The following ESRRG variants were observed in gnomAD, a reference collection of about 807,000 sequenced individuals.
ESRRG encodes the protein estrogen related receptor gamma, also known as estrogen-related receptor gamma.
Under a neutral mutation model 44.0 loss-of-function variants are expected in ESRRG, and 13 were observed. That is an observed-to-expected ratio of 0.30 (90% CI 0.19 to 0.47). ESRRG has a LOEUF of 0.47. Among genes scored for constraint, ESRRG ranks in the 20% least tolerant of loss-of-function variants. The pLI is 1.00. For missense variants in ESRRG, 395 were observed against 580.6 expected (o/e 0.68, Z 3.29); for synonymous variants, 215 against 214.6 (o/e 1.00, Z -0.02).
chr1:216,921,057 A>C (rs1170311184), intron 2 of ESRRG, among the ~76,000 whole-genome samples: 2 of 152,308 alleles, frequency 1.3e-5, no homozygotes, highest in African/African-American at 4.8e-5. Context: ...AACTAAACTT[A>C]ATGATGCAAA....
intron 2 of ESRRG, among the ~76,000 whole-genome samples, chr1:216,870,033 G>T (rs994038662): frequency 6.6e-6 from 1 of 152,028 alleles, no homozygotes; most frequent in East Asian, 1.9e-4. Flanking sequence ...TTGAATAGAA[G>T]TTTTGTAGGT....
chr1:216,558,870 G>T (rs945117594), intron 5 of ESRRG, among the ~76,000 whole-genome samples: 5 of 150,364 alleles, frequency 3.3e-5, no homozygotes, highest in African/African-American at 1.2e-4. Context: ...TTTGTTTTTT[G>T]TTTTTTTGTT....
At chr1:216,610,367 A>G in intron 3 of ESRRG, among the ~76,000 whole-genome samples, 1 of 152,148 alleles carries the variant, frequency 6.6e-6, no homozygotes, top group East Asian at 1.9e-4. Flanking sequence ...ATTTCCCCAT[A>G]TCCTTAATAG....
At chr1:216,819,277 AT>A (rs2095235197) in intron 2 of ESRRG, among the ~76,000 whole-genome samples, 1 of 152,130 alleles carries the variant, frequency 6.6e-6, no homozygotes, top group Non-Finnish European at 1.5e-5. Context: ...TTGTTTGCAT[AT>A]GCTTATTTCT....
chr1:216,851,044 T>C (rs1291271126), intron 2 of ESRRG, among the ~76,000 whole-genome samples: 2 of 149,752 alleles, frequency 1.3e-5, no homozygotes, highest in Non-Finnish European at 3.0e-5. Context: ...TTATCTAGTA[T>C]GTATAACACT....
At chr1:216,794,499 T>C (rs907444154) in intron 2 of ESRRG, among the ~76,000 whole-genome samples, 1 of 152,190 alleles carries the variant, frequency 6.6e-6, no homozygotes, top group Non-Finnish European at 1.5e-5. Context: ...AAACACAGGT[T>C]ACATAAAGGA....
intron 1 of ESRRG, among the ~76,000 whole-genome samples, chr1:216,986,898 T>C (rs2150458698): frequency 6.6e-6 from 1 of 152,182 alleles, no homozygotes; most frequent in Non-Finnish European, 1.5e-5. Context: ...CAATAATGAG[T>C]AGTGTAACTA....
At chr1:216,784,104 C>T (rs2094034790) in intron 2 of ESRRG, among the ~76,000 whole-genome samples, 1 of 151,918 alleles carries the variant, frequency 6.6e-6, no homozygotes, top group African/African-American at 2.4e-5. Context: ...AGTGTTTGGC[C>T]ATTCATTATA....
intron 4 of ESRRG, among the ~76,000 whole-genome samples, chr1:216,565,913 T>C (rs2059598772): frequency 6.6e-6 from 1 of 152,024 alleles, no homozygotes; most frequent in African/African-American, 2.4e-5. Context: ...ACCATTAGAT[T>C]CTCAGGATTA....
intron 5 of ESRRG, 34 bp downstream of exon 5, chr1:216,564,185 C>A (rs376152655): frequency 2.1e-6 from 3 of 1,406,528 alleles, no homozygotes; most frequent in Non-Finnish European, 2.9e-6. Flanking sequence ...TTAATTGCAA[C>A]CTTTTCTTTT....
At chr1:216,902,226 C>T (rs1256664813) in intron 2 of ESRRG, among the ~76,000 whole-genome samples, 3 of 152,178 alleles carry the variant, frequency 2.0e-5, no homozygotes, top group Admixed American at 6.5e-5. Context: ...CGGTGGCTCA[C>T]GCCTGTAATC....
At chr1:216,823,339 G>A (rs1421306895) in intron 2 of ESRRG, among the ~76,000 whole-genome samples, 1 of 152,014 alleles carries the variant, frequency 6.6e-6, no homozygotes. Context: ...AGAGAAAGAG[G>A]CCACAGTACT....
chr1:216,675,133 G>A (rs866000953), intron 2 of ESRRG, among the ~76,000 whole-genome samples: 31 of 152,116 alleles, frequency 2.0e-4, no homozygotes, highest in African/African-American at 7.0e-4. Context: ...GGCTGAGGCG[G>A]GTGGATCACG....
chr1:216,978,982 C>T (rs1319260770), intron 1 of ESRRG, among the ~76,000 whole-genome samples: 3 of 152,156 alleles, frequency 2.0e-5, no homozygotes, highest in African/African-American at 7.2e-5. Context: ...TCTTCTCTTT[C>T]ACTCACTTAA....
chr1:216,591,030 C>T (rs1267143080), intron 3 of ESRRG, among the ~76,000 whole-genome samples: 3 of 152,134 alleles, frequency 2.0e-5, no homozygotes, highest in Non-Finnish European at 2.9e-5. Flanking sequence ...GCTCCTAATG[C>T]CCTTGAAATT....
At chr1:216,517,577 T>C (rs1389946364) in intron 6 of ESRRG, among the ~76,000 whole-genome samples, 2 of 152,184 alleles carry the variant, frequency 1.3e-5, no homozygotes, top group Non-Finnish European at 2.9e-5. Context: ...ACCAAGTAAA[T>C]GTTTTAAATT....
chr1:216,829,549 GTTTT>G (rs66515526), intron 2 of ESRRG, among the ~76,000 whole-genome samples: 4 of 135,632 alleles, frequency 2.9e-5, no homozygotes, highest in African/African-American at 1.1e-4. Flanking sequence ...AAATGCCACA[GTTTT>G]TTTTTTTTTT....
At chr1:216,883,386 GAAAAAAAA>G (rs11318094) in intron 2 of ESRRG, among the ~76,000 whole-genome samples, 125 of 75,868 alleles carry the variant, frequency 1.6e-3, no homozygotes, top group African/African-American at 2.7e-3. Flanking sequence ...ACTTCTCTGA[GAAAAAAAA>G]AAAAAAAAAA....
chr1:216,575,145 A>G (rs548633088), intron 3 of ESRRG, among the ~76,000 whole-genome samples: 1 of 152,190 alleles, frequency 6.6e-6, no homozygotes, highest in Non-Finnish European at 1.5e-5. Context: ...TTTAACCTAG[A>G]GTAGCTGTGC....
Sources: allele counts gnomAD v4.1 joint callset (sites outside exome capture counted in the v4.1 genomes callset), GRCh38; gene constraint gnomAD v4.1.1; transcripts MANE v1.5; gene names NCBI Gene and HGNC (gene_info 2026-07-23, HGNC 2026-07-21).